AUTS2: variants seen among roughly 807,000 people sequenced by gnomAD.
AUTS2 encodes the protein autism susceptibility gene 2 protein.
In AUTS2, 17 loss-of-function variants were observed where a neutral mutation model predicts 112.4. The ratio of observed to expected loss-of-function variants is 0.15; its 90% CI spans 0.10 to 0.23. AUTS2 has a LOEUF of 0.23. Among genes scored for constraint, AUTS2 ranks in the 10% least tolerant of loss-of-function variants. The probability of loss-of-function intolerance (pLI) is 1.00; values close to 1 mark genes in which losing one functional copy is unlikely to be tolerated. For missense variants in AUTS2, 1,510 were observed against 1,701.6 expected (o/e 0.89, Z 1.98); for synonymous variants, 751 against 702.7 (o/e 1.07, Z -1.09).
intron 4 of AUTS2, among the ~76,000 whole-genome samples, chr7:70,239,769 T>A (rs1812512655): frequency 6.6e-6 from 1 of 152,096 alleles, no homozygotes; most frequent in Admixed American, 6.6e-5. Context: ...GGTGGTAAGG[T>A]TCATTCCATG....
chr7:70,615,565 C>CCTG (rs368083140), intron 5 of AUTS2, among the ~76,000 whole-genome samples: 1 of 148,480 alleles, frequency 6.7e-6, no homozygotes, highest in Non-Finnish European at 1.5e-5. Flanking sequence ...AGATTTATGG[C>CCTG]TTGTTGTTGT....
At chr7:69,627,837 C>T (rs1794031361) in intron 1 of AUTS2, among the ~76,000 whole-genome samples, 1 of 152,084 alleles carries the variant, frequency 6.6e-6, no homozygotes, top group South Asian at 2.1e-4. Flanking sequence ...AGTAATGCAA[C>T]CCTCACAGGT....
chr7:70,028,274 G>A (rs958402375), intron 2 of AUTS2, among the ~76,000 whole-genome samples: 33 of 152,086 alleles, frequency 2.2e-4, no homozygotes, highest in Middle Eastern at 3.4e-3. Flanking sequence ...CTTAAACTTC[G>A]TGCATTCTAT....
chr7:70,726,043 G>A (rs1272214328), intron 6 of AUTS2, among the ~76,000 whole-genome samples: 3 of 151,406 alleles, frequency 2.0e-5, no homozygotes, highest in Non-Finnish European at 4.4e-5. Context: ...AAAAGGACCT[G>A]GGAGAAGGGA....
At chr7:70,691,354 G>C (rs1427265815) in intron 5 of AUTS2, among the ~76,000 whole-genome samples, 3 of 151,466 alleles carry the variant, frequency 2.0e-5, no homozygotes, top group African/African-American at 7.3e-5. Context: ...AGAAAAGATA[G>C]CTTCCAGCCT....
intron 5 of AUTS2, among the ~76,000 whole-genome samples, chr7:70,597,870 G>A (rs1803282141): frequency 1.3e-5 from 2 of 152,016 alleles, no homozygotes; most frequent in Admixed American, 1.3e-4. Context: ...TCTTTTTCTT[G>A]CTTACACGAG....
chr7:70,772,125 C>G (rs1480023297), intron 11 of AUTS2, among the ~76,000 whole-genome samples: 3 of 152,170 alleles, frequency 2.0e-5, no homozygotes, highest in Non-Finnish European at 4.4e-5. Flanking sequence ...CCCTCGCCAA[C>G]CCCATCGGCT....
intron 1 of AUTS2, among the ~76,000 whole-genome samples, chr7:69,786,678 T>C (rs1789392768): frequency 6.6e-6 from 1 of 152,172 alleles, no homozygotes; most frequent in Admixed American, 6.5e-5. Flanking sequence ...AGGAACTAAC[T>C]CTGAACACAA....
At chr7:70,789,721 G>T (rs183435781) in intron 18 of AUTS2, 27 bp from the exon 19 acceptor site, 17 of 1,597,206 alleles carry the variant, frequency 1.1e-5, no homozygotes, top group African/African-American at 4.0e-5. Flanking sequence ...TTTCATCTGC[G>T]TCCTTGTCTT....
chr7:70,243,997 ATGGGAGATACTCCTATTC>A (rs1480987850), intron 4 of AUTS2, among the ~76,000 whole-genome samples: 2 of 152,036 alleles, frequency 1.3e-5, no homozygotes, highest in African/African-American at 4.8e-5. Context: ...TAGTAAGAGT[ATGGGAGATACTCCTATTC>A]TTACTGTTAC....
chr7:70,427,928 A>G (rs1178116169), intron 4 of AUTS2, among the ~76,000 whole-genome samples: 2 of 152,212 alleles, frequency 1.3e-5, no homozygotes, highest in Non-Finnish European at 2.9e-5. Flanking sequence ...ATTCTCTTGT[A>G]TCTCCTGAAC....
chr7:70,239,714 C>A lies in AUTS2; in HGVS notation c.660+105143C>A, dbSNP rs183978484. 2.9e-3 allele frequency among the ~76,000 whole-genome samples: 445 copies of A among 152,122 alleles called. 5 individuals carry two copies. The highest frequency in any genetic ancestry group is 0.01 in the African/African-American group (431 of 41,498). On this transcript the variant is annotated intron_variant, in intron 4 of 18. Transcript: ENST00000342771. ...ACTCCCAAAGTGTTGGGATTACAGG[C>A]GTGAGCCACCATACCCGGCCCCTGC...
intron 8 of AUTS2, 136 bp from the exon 9 acceptor site, chr7:70,765,978 C>A: frequency 7.0e-7 from 1 of 1,428,430 alleles, no homozygotes; most frequent in Non-Finnish European, 9.2e-7. Flanking sequence ...TGATTGCCCC[C>A]GTTTATCTCA....
At chr7:70,244,116 G>C (rs762083771) in intron 4 of AUTS2, among the ~76,000 whole-genome samples, 1 of 151,560 alleles carries the variant, frequency 6.6e-6, no homozygotes, top group Admixed American at 6.6e-5. Flanking sequence ...TAGAGAAGTT[G>C]GAAAATATAG....
intron 5 of AUTS2, among the ~76,000 whole-genome samples, chr7:70,535,965 C>T (rs2129501578): frequency 6.6e-6 from 1 of 152,300 alleles, no homozygotes; most frequent in Middle Eastern, 3.4e-3. Context: ...AAGGTTGAAG[C>T]TGTCCCAAGG....
intron 5 of AUTS2, among the ~76,000 whole-genome samples, chr7:70,483,326 T>G (rs1385955730): frequency 1.3e-5 from 2 of 152,186 alleles, no homozygotes; most frequent in South Asian, 4.1e-4. Flanking sequence ...CCTGCTAGGG[T>G]GAGGCAAGTG....
chr7:70,525,839 C>T (rs543899771), intron 5 of AUTS2, among the ~76,000 whole-genome samples: 1 of 152,328 alleles, frequency 6.6e-6, no homozygotes, highest in East Asian at 1.9e-4. Flanking sequence ...AGATGGGCAC[C>T]TCCAGCCTTG....
intron 4 of AUTS2, among the ~76,000 whole-genome samples, chr7:70,180,373 A>C (rs991060644): frequency 1.3e-5 from 2 of 152,184 alleles, no homozygotes; most frequent in Non-Finnish European, 2.9e-5. Context: ...AGGGGAAGTA[A>C]ATTTTGATGC....
At chr7:70,141,336 A>T (rs891165621) in intron 4 of AUTS2, among the ~76,000 whole-genome samples, 1 of 152,140 alleles carries the variant, frequency 6.6e-6, no homozygotes, top group African/African-American at 2.4e-5. Context: ...CAAGTAAAGG[A>T]TCAATGACTA....
Sources: gnomAD v4.1 joint callset for allele counts (sites outside exome capture counted in the v4.1 genomes callset) on GRCh38, gnomAD v4.1.1 for gene constraint, MANE v1.5 for transcripts, NCBI Gene and HGNC (gene_info 2026-07-23, HGNC 2026-07-21) for gene names.